Variants in SBNO2 observed in about 807,000 individuals in gnomAD.
The protein encoded by SBNO2 is strawberry notch homolog 2, also known as protein strawberry notch homolog 2.
Under a neutral mutation model 146.3 loss-of-function variants are expected in SBNO2, and 89 were observed. That is an observed-to-expected ratio of 0.61 (90% confidence interval 0.51 to 0.73). The LOEUF is 0.73. Ranked by LOEUF, SBNO2 falls within the 30% of genes least tolerant of loss-of-function variation. The pLI is 0.00. For missense variants in SBNO2, 2,092 were observed against 2,003.7 expected (o/e 1.04, Z -0.84); for synonymous variants, 1,147 against 892.6 (o/e 1.29, Z -5.08).
chr19:1,127,880 G>T, intron 4 of SBNO2, 115 bp from the exon 5 acceptor site: 1 of 933,340 alleles, frequency 1.1e-6, no homozygotes, highest in Non-Finnish European at 1.6e-6. Context: ...TGGAGCATGT[G>T]GGAATGGGAG....
At chr19:1,124,428 G>A (rs2079941937) in intron 5 of SBNO2, among the ~76,000 whole-genome samples, 1 of 152,228 alleles carries the variant, frequency 6.6e-6, no homozygotes, top group African/African-American at 2.4e-5. Context: ...ATGCAGTGCA[G>A]GAGGCCCTCG....
chr19:1,138,433 T>G (rs1046976233), intron 4 of SBNO2, among the ~76,000 whole-genome samples: 2 of 151,896 alleles, frequency 1.3e-5, no homozygotes, highest in Admixed American at 1.3e-4. Flanking sequence ...GACCCAGTCA[T>G]GCCTGGAACA....
chr19:1,134,590 T>C (rs1185036068), intron 4 of SBNO2, among the ~76,000 whole-genome samples: 1 of 152,044 alleles, frequency 6.6e-6, no homozygotes, highest in Non-Finnish European at 1.5e-5. Context: ...TGTCCTGTCC[T>C]GAACAGGAAT....
At chr19:1,160,774 C>T (rs1223107923) in intron 1 of SBNO2, among the ~76,000 whole-genome samples, 1 of 152,148 alleles carries the variant, frequency 6.6e-6, no homozygotes, top group Non-Finnish European at 1.5e-5. Flanking sequence ...AGGTGATCCG[C>T]CCGCCTCGGC....
At chr19:1,123,145 G>A (rs2079923990) in intron 7 of SBNO2, 100 bp from the exon 8 acceptor site, 2 of 1,389,258 alleles carry the variant, frequency 1.4e-6, no homozygotes, top group African/African-American at 1.4e-5. Flanking sequence ...GGCCAGAGCT[G>A]GCGGGGCAGT....
intron 4 of SBNO2, among the ~76,000 whole-genome samples, chr19:1,132,993 A>G (rs936109852): frequency 7.2e-5 from 11 of 152,020 alleles, no homozygotes; most frequent in African/African-American, 2.7e-4. Context: ...CCGCGGCCAC[A>G]CTCTTGCCCG....
chr19:1,153,336 C>T (rs1237051771), intron 2 of SBNO2, among the ~76,000 whole-genome samples: 24 of 145,928 alleles, frequency 1.6e-4, no homozygotes, highest in South Asian at 2.2e-4. Flanking sequence ...CTCCCAGGTT[C>T]AAGCGATTCT....
intron 1 of SBNO2, among the ~76,000 whole-genome samples, chr19:1,162,209 C>A (rs1023763922): frequency 0.013 from 1,370 of 109,044 alleles, no homozygotes; most frequent in Middle Eastern, 0.066. Flanking sequence ...CCTGTAATCC[C>A]AGCACTTTGG....
chr19:1,128,365 G>A (rs751381495), intron 4 of SBNO2: 5 of 338,780 alleles, frequency 1.5e-5, no homozygotes, highest in African/African-American at 6.6e-5. Flanking sequence ...CACACGCGCT[G>A]CCCAGTGAAG....
rs185821777 is a variant in SBNO2, at chr19:1,128,420, T to G, written c.280-655A>C. The G allele has an allele frequency of 4.7e-4, 135 of 288,556 alleles. 1 individual carries two copies. Among genetic ancestry groups the G allele is most frequent in the Admixed American group, 8.9e-4 (17 of 19,078 alleles). The allele number at this position is 288,556 out of a possible 1,614,324, so 17.9% of individuals were successfully genotyped here. A position where few individuals can be genotyped will look rare whatever the true frequency, so the allele number is the denominator to read the frequency against. Reference sequence around the variant, plus strand: ...TCATTTTTTTTTTTTTGAGACGGATTCTTACACTGTCGCCCGGGCTGGAGT... The same window carrying G: ...TCATTTTTTTTTTTTTGAGACGGATGCTTACACTGTCGCCCGGGCTGGAGT... On this transcript the variant is annotated intron_variant, in intron 4 of 31. Coordinates refer to ENST00000361757, the MANE Select transcript of SBNO2 (RefSeq NM_014963.3).
chr19:1,163,012 G>A (rs2080364410), intron 1 of SBNO2, among the ~76,000 whole-genome samples: 2 of 152,332 alleles, frequency 1.3e-5, no homozygotes, highest in Middle Eastern at 3.4e-3. Context: ...GTGCCTGCGG[G>A]CCACAAGGCC....
intron 23 of SBNO2, 34 bp downstream of exon 23, chr19:1,111,962 G>A (rs2145192198): frequency 3.3e-6 from 5 of 1,505,346 alleles, no homozygotes; most frequent in Middle Eastern, 2.3e-4. Context: ...CCCTGCCCCT[G>A]CCCCGCCCCC....
chr19:1,161,878 C>G (rs1284942447), intron 1 of SBNO2, among the ~76,000 whole-genome samples: 3 of 131,012 alleles, frequency 2.3e-5, no homozygotes, highest in Admixed American at 8.7e-5. Flanking sequence ...AGGGTGAAAG[C>G]CGATCCACTC....
Position 1,122,770 on chromosome 19 carries a change from T to C in SBNO2, c.802A>G (p.Ser268Gly). Residue 268 changes from serine (S) to glycine (G), a missense_variant, in exon 9 of 32, where the codon AGC (serine) becomes GGC (glycine). Ser to Gly is a moderately conservative substitution (Grantham distance 56, BLOSUM62 0). Transcript: ENST00000361757. ...ACQQHEVLLPSGQRAGFLIGD... is the reference protein window; with the variant it reads ...ACQQHEVLLPGGQRAGFLIGD... The stretch of plus-strand genomic sequence containing the variant: ...ATGAGAAAGCCCGCGCGCTGCCCGC[T>C]GGGGAGCAGGACCTCGTGTTGCTGT... The C allele has an allele frequency of 6.5e-7, 1 of 1,537,874 alleles. No homozygotes were observed. Among genetic ancestry groups the C allele is most frequent in the Non-Finnish European group, 8.7e-7 (1 of 1,146,480 alleles).
At position 1,114,316 on chromosome 19, in the gene SBNO2, G is replaced by C; in HGVS notation, c.1992C>G (p.Asp664Glu). ...DSSTESDPGLDSDFNSSPESL... is the reference protein window; with the variant it reads ...DSSTESDPGLESDFNSSPESL... The stretch of plus-strand genomic sequence containing the variant: ...ACTCGGGGGAGGAGTTGAAGTCGCT[G>C]TCCAGGCCAGGGTCCGACTCCGTGC... The change falls in exon 18 of 32, where the codon GAC (aspartate) becomes GAG (glutamate). Residue 664 changes from aspartate (D) to glutamate (E), a missense_variant. Coordinates refer to ENST00000361757, the MANE Select transcript of SBNO2 (RefSeq NM_014963.3). 6.4e-7 allele frequency: 1 copy of C among 1,556,526 alleles called. No homozygotes were observed. Among genetic ancestry groups the C allele is most frequent in the Admixed American group, 1.9e-5 (1 of 52,176 alleles).
chr19:1,125,176 C>A (rs1295455964), intron 5 of SBNO2, among the ~76,000 whole-genome samples: 1 of 149,434 alleles, frequency 6.7e-6, no homozygotes, highest in South Asian at 2.1e-4. Context: ...CATGCTGAAA[C>A]CCCGTCTCTA....
chr19:1,170,420 C>A (rs571273079), intron 1 of SBNO2, among the ~76,000 whole-genome samples: 2 of 152,200 alleles, frequency 1.3e-5, no homozygotes, highest in African/African-American at 4.8e-5. Flanking sequence ...AGGCGAGGGG[C>A]AAGGCTGAGA....
intron 4 of SBNO2, among the ~76,000 whole-genome samples, chr19:1,138,117 G>A (rs1427266109): frequency 1.1e-3 from 15 of 13,518 alleles, no homozygotes; most frequent in East Asian, 8.2e-3. Flanking sequence ...GCTGGGGTGC[G>A]GTGGGGGGAG....
rs2080169441 is a variant in SBNO2 at position 1,144,627 on chromosome 19, C to T, written c.279+2682G>A. Among the ~76,000 whole-genome samples the T allele has an allele frequency of 7.0e-6, 1 of 143,766 alleles. No homozygotes were observed. Among genetic ancestry groups the T allele is most frequent in the South Asian group, 2.3e-4 (1 of 4,410 alleles). The allele number at this position is 143,766 out of a possible 152,430, so 94.3% of individuals were successfully genotyped here. ...AGACAGAGGCAGAGAGGGAAACAGA[C>T]GAAGACAGAGAGGGCGACAGAGACA... On this transcript the variant is annotated intron_variant, in intron 4 of 31. Transcript: ENST00000361757. The surrounding 1 kb of genome is among the most constrained non-coding windows in gnomAD (Gnocchi z 4.1).
Sources: allele counts gnomAD v4.1 joint callset (sites outside exome capture counted in the v4.1 genomes callset), GRCh38; gene constraint gnomAD v4.1.1; non-coding constraint Gnocchi (gnomAD v3.1); transcripts MANE v1.5; gene names NCBI Gene and HGNC (gene_info 2026-07-23, HGNC 2026-07-21).